The following CCDC14 variants were observed in gnomAD, a reference collection of about 807,000 sequenced individuals.
CCDC14 encodes the protein coiled-coil domain-containing protein 14.
Under a neutral mutation model 81.4 loss-of-function variants are expected in CCDC14, and 71 were observed. That is an observed-to-expected ratio of 0.87 (90% CI 0.72 to 1.06). CCDC14 has a LOEUF of 1.06. Ranked by LOEUF, CCDC14 falls within the 50% of genes least tolerant of loss-of-function variation. The pLI, the probability that CCDC14 is intolerant of heterozygous loss-of-function variation, is 0.00. For synonymous variants in CCDC14, 332 were observed against 364.8 expected (o/e 0.91, Z 1.03); for missense variants, 1,046 against 1,047.3 (o/e 1.00, Z 0.02).
chr3:123,918,997 G>A (rs532225792), intron 12 of CCDC14, among the ~76,000 whole-genome samples: 11 of 152,312 alleles, frequency 7.2e-5, no homozygotes, highest in Non-Finnish European at 1.5e-4. Flanking sequence ...TAGGCCAGGA[G>A]GCAAGTATGC....
At chr3:123,948,154 T>C (rs1559799235) in intron 7 of CCDC14, among the ~76,000 whole-genome samples, 2 of 152,064 alleles carry the variant, frequency 1.3e-5, no homozygotes. Flanking sequence ...GTCAGTATGG[T>C]TGATTTTTTT....
intron 10 of CCDC14, among the ~76,000 whole-genome samples, chr3:123,932,336 C>G (rs2035786081): frequency 6.6e-6 from 1 of 152,176 alleles, no homozygotes; most frequent in Non-Finnish European, 1.5e-5. Context: ...CTCTCCCTTT[C>G]CTCACCTTTG....
chr3:123,921,244 A>G (rs1165284111), intron 12 of CCDC14, among the ~76,000 whole-genome samples: 1 of 152,212 alleles, frequency 6.6e-6, no homozygotes, highest in Non-Finnish European at 1.5e-5. Context: ...ATCAAAAGAC[A>G]GAGTGGGTGA....
chr3:123,949,888 G>GAC (rs2036909927), intron 5 of CCDC14, among the ~76,000 whole-genome samples: 2 of 152,216 alleles, frequency 1.3e-5, no homozygotes, highest in South Asian at 4.1e-4. Flanking sequence ...ATATGCCACT[G>GAC]ACACACTGCC....
chr3:123,897,552 G>A (rs769785420), exon 6 of CCDC14: 58 of 1,096,254 alleles, frequency 5.3e-5, no homozygotes, highest in Non-Finnish European at 6.5e-5. Context: ...CGTAGTTCAT[G>A]TACTGTATTG....
chr3:123,933,009 G>C (rs1453481978), intron 10 of CCDC14, among the ~76,000 whole-genome samples: 1 of 152,098 alleles, frequency 6.6e-6, no homozygotes, highest in Non-Finnish European at 1.5e-5. Flanking sequence ...TGAGGGAAGA[G>C]AATCACTTGA....
At position 123,913,958 on chromosome 3, in the gene CCDC14, G is replaced by A; in HGVS notation, c.*821C>T. 1.0e-6 allele frequency: 1 copy of A among 985,348 alleles called. No individual in the cohort carries two copies. The highest frequency in any genetic ancestry group is 1.2e-6 in the Non-Finnish European group (1 of 829,626). The allele number at this position is 985,348 out of a possible 1,614,324, so 61.0% of individuals were successfully genotyped here. ...AATAGAGAATATTCTCAGCTAACAT[G>A]CTGGGAGAAAAAATTCTTCCAAAAA... On this transcript the variant is annotated 3_prime_UTR_variant, in exon 13 of 13. Coordinates refer to ENST00000409697, the MANE Select transcript of CCDC14 (RefSeq NM_001366335.1).
downstream of CCDC14, among the ~76,000 whole-genome samples, chr3:123,912,231 C>T (rs1190416675): frequency 6.6e-6 from 1 of 152,150 alleles, no homozygotes; most frequent in Admixed American, 6.5e-5. Context: ...CTCTGGACAT[C>T]TACTAATACG....
At position 123,913,650 on chromosome 3, in the gene CCDC14, A is replaced by C; in HGVS notation, c.*1129T>G. 1.0e-6 allele frequency: 1 copy of C among 984,088 alleles called. No individual in the cohort carries two copies. Among genetic ancestry groups the C allele is most frequent in the Non-Finnish European group, 1.2e-6 (1 of 829,554 alleles). The allele number at this position is 984,088 out of a possible 1,614,324, so 61.0% of individuals were successfully genotyped here. ...CAAAGAGACTACAGCTGGCTCCTTCAAACGCTGTAGCACTAACACCTAAAA... is the reference window on the plus strand; with the variant it reads ...CAAAGAGACTACAGCTGGCTCCTTCCAACGCTGTAGCACTAACACCTAAAA... On this transcript the variant is annotated 3_prime_UTR_variant, in exon 13 of 13. Coordinates refer to ENST00000409697, the MANE Select transcript of CCDC14 (RefSeq NM_001366335.1).
chr3:123,924,981 C>G (rs1016396665), intron 12 of CCDC14, among the ~76,000 whole-genome samples: 5 of 144,540 alleles, frequency 3.5e-5, no homozygotes, highest in African/African-American at 1.3e-4. Context: ...ACACACACAT[C>G]TATCTATACA....
intron 12 of CCDC14, among the ~76,000 whole-genome samples, chr3:123,930,078 C>CA (rs1272307404): frequency 2.0e-5 from 3 of 152,062 alleles, no homozygotes; most frequent in Non-Finnish European, 2.9e-5. Context: ...TATATGATTA[C>CA]AAAAAATGTC....
Position 123,914,775 on chromosome 3 carries a change from G to T in CCDC14, c.*4C>A. The T allele has an allele frequency of 1.3e-6, 2 of 1,504,042 alleles. No individual in the cohort carries two copies. Among genetic ancestry groups the T allele is most frequent in the South Asian group, 2.6e-5 (2 of 76,160 alleles). The allele number at this position is 1,504,042 out of a possible 1,614,324, so 93.2% of individuals were successfully genotyped here. On this transcript the variant is annotated 3_prime_UTR_variant, in exon 13 of 13. Transcript: ENST00000409697. ...AGAAGCACCTGATGAGTTTTCTTCT[G>T]AATTCATTTCTCCAGAAGACCAGTC...
chr3:123,944,342 T>A (rs1451899944), intron 9 of CCDC14, among the ~76,000 whole-genome samples: 1 of 152,140 alleles, frequency 6.6e-6, no homozygotes, highest in African/African-American at 2.4e-5. Flanking sequence ...AGCGAAACGA[T>A]CACTTCTGGG....
chr3:123,932,836 T>C (rs1439773452), intron 10 of CCDC14, among the ~76,000 whole-genome samples: 1 of 151,958 alleles, frequency 6.6e-6, no homozygotes, highest in Admixed American at 6.6e-5. Context: ...TGGTGGCTCA[T>C]TGTCTGTAAT....
intron 5 of CCDC14, among the ~76,000 whole-genome samples, chr3:123,903,457 A>G (rs1013801629): frequency 3.3e-5 from 5 of 152,098 alleles, no homozygotes; most frequent in African/African-American, 1.2e-4. Context: ...ATTTGGCAAG[A>G]TCTGTTTTTC....
chr3:123,935,018 G>C (rs1246047656), intron 9 of CCDC14, among the ~76,000 whole-genome samples: 1 of 152,068 alleles, frequency 6.6e-6, no homozygotes, highest in Non-Finnish European at 1.5e-5. Context: ...AGAATTAAAA[G>C]CCTGAAAGAA....
chr3:123,945,077 A>G lies in CCDC14; in HGVS notation c.1202-87T>C, dbSNP rs2036551449. Reference sequence around the variant, plus strand: ...TGTATTACTAAAAAAGAAAATCTTTATAGATATGTACATTCTTGTTATAAA... The same window carrying G: ...TGTATTACTAAAAAAGAAAATCTTTGTAGATATGTACATTCTTGTTATAAA... On this transcript the variant is annotated intron_variant, in intron 8 of 12. Coordinates refer to ENST00000409697, the MANE Select transcript of CCDC14 (RefSeq NM_001366335.1). 5 of 723,242 alleles carry G rather than the reference A, an allele frequency of 6.9e-6. No individual in the cohort carries two copies. The South Asian group carries it at 1.7e-4, about 25-fold the overall frequency. 44.8% of individuals were successfully genotyped at this position (723,242 alleles called of 1,614,324 possible).
chr3:123,896,021 T>G (rs2034056128), downstream of CCDC14, among the ~76,000 whole-genome samples: 2 of 152,212 alleles, frequency 1.3e-5, no homozygotes, highest in Non-Finnish European at 2.9e-5. Context: ...TCAACCTAAG[T>G]GTACAACAGC....
intron 2 of CCDC14, 65 bp downstream of exon 2, chr3:123,956,675 C>T (rs2037344422): frequency 7.7e-7 from 1 of 1,305,228 alleles, no homozygotes; most frequent in Non-Finnish European, 1.1e-6. Context: ...GACGACATGT[C>T]ATCCAGCCCA....
Sources: allele counts gnomAD v4.1 joint callset (sites outside exome capture counted in the v4.1 genomes callset), GRCh38; gene constraint gnomAD v4.1.1; transcripts MANE v1.5; gene names NCBI Gene and HGNC (gene_info 2026-07-23, HGNC 2026-07-21).